The following HADHA variants were observed in gnomAD, a reference collection of about 807,000 sequenced individuals.
The protein encoded by HADHA is hydroxyacyl-CoA dehydrogenase trifunctional multienzyme complex subunit alpha.
In HADHA, 59 loss-of-function variants were observed where a neutral mutation model predicts 91.3. The ratio of observed to expected loss-of-function variants is 0.65; its 90% CI spans 0.52 to 0.80. The LOEUF (loss-of-function observed/expected upper bound fraction) is 0.80, where lower values mean the gene tolerates loss of function less well. Among genes scored for constraint, HADHA ranks in the 30% least tolerant of loss-of-function variants. The probability of loss-of-function intolerance (pLI) is 0.00; values close to 1 mark genes in which losing one functional copy is unlikely to be tolerated. For missense variants in HADHA, 800 were observed against 927.6 expected, an observed-to-expected ratio of 0.86 and a Z score of 1.79; for synonymous variants, 320 against 338.9, an observed-to-expected ratio of 0.94 and a Z score of 0.61.
rs1475956546 is a variant in HADHA, at chr2:26,229,342, G to GCA, written c.676+849_676+850insTG. On this transcript the variant is annotated intron_variant, in intron 7 of 19. Coordinates refer to ENST00000380649, the MANE Select transcript of HADHA (RefSeq NM_000182.5). This position sits in a 1 kb window ranked among gnomAD's most constrained non-coding sequence, Gnocchi z 4.3. ...AACAGAGTGAGACCCCAACATGTGT[G>GCA]CGCGCGCACACACACACACACACAC... Among the ~76,000 whole-genome samples, 1 of 84,372 alleles carries GCA rather than the reference G, an allele frequency of 1.2e-5. No individual in the cohort carries two copies. The highest frequency in any genetic ancestry group is 2.2e-5 in the Non-Finnish European group (1 of 44,958). 55.4% of individuals were successfully genotyped at this position (84,372 alleles called of 152,430 possible).
chr2:26,234,439 T>A, intron 4 of HADHA, 84 bp from the exon 5 acceptor site: 1 of 1,130,120 alleles, frequency 8.8e-7, no homozygotes, highest in East Asian at 2.4e-5. Context: ...TATACACTTA[T>A]CCTATCATGC....
In HADHA at chr2:26,204,214, A is replaced by G. The variant is rs1362592381; in HGVS notation, c.1086-18T>C. On this transcript the variant is annotated intron_variant, in intron 11 of 19. Transcript: ENST00000380649. ...CCAGATGCCTGCAAGGCAAGGATGA[A>G]ATGACTTTCGGTAAACTGATCTTAA... The G allele has an allele frequency of 6.2e-7, 1 of 1,613,236 alleles. No individual in the cohort carries two copies. The highest frequency in any genetic ancestry group is 8.5e-7 in the Non-Finnish European group (1 of 1,179,138).
chr2:26,238,905 A>T, intron 3 of HADHA, 29 bp downstream of exon 3: 1 of 1,401,822 alleles, frequency 7.1e-7, no homozygotes, highest in Non-Finnish European at 1.0e-6. Flanking sequence ...TGCGGTTAGC[A>T]GAAAAAAACT....
chr2:26,195,624 A>C (rs1295113196), intron 14 of HADHA, among the ~76,000 whole-genome samples: 3 of 152,040 alleles, frequency 2.0e-5, no homozygotes, highest in African/African-American at 7.3e-5. Context: ...CAGAAGAATT[A>C]ATGTGTTGGG....
At chr2:26,215,987 C>CA (rs964475639) in intron 7 of HADHA, among the ~76,000 whole-genome samples, 1 of 152,088 alleles carries the variant, frequency 6.6e-6, no homozygotes, top group Non-Finnish European at 1.5e-5. Context: ...GAGCTAGGCT[C>CA]AAAAAATCTG....
At position 26,190,735 on chromosome 2, in the gene HADHA, C is replaced by T. The variant is rs1298233834; in HGVS notation, c.*515G>A. ...GTGTGTGTGGTTGAGCCCACCAGGT[C>T]CCACTTTCTCTCATCCCAGTCCCTC... On this transcript the variant is annotated 3_prime_UTR_variant, in exon 20 of 20. Transcript: ENST00000380649. 2 of 199,292 alleles carry T rather than the reference C, an allele frequency of 1.0e-5. No individual in the cohort carries two copies. Among genetic ancestry groups the T allele is most frequent in the Admixed American group, 5.3e-5 (1 of 18,886 alleles). 12.3% of individuals were successfully genotyped at this position (199,292 alleles called of 1,614,324 possible).
chr2:26,215,638 G>A (rs1670199065), intron 7 of HADHA, among the ~76,000 whole-genome samples: 1 of 152,160 alleles, frequency 6.6e-6, no homozygotes, highest in Non-Finnish European at 1.5e-5. Context: ...TCTTTTCAGG[G>A]ATGTGTAATG....
chr2:26,199,790 A>G (rs1011317578), intron 13 of HADHA, among the ~76,000 whole-genome samples: 1 of 152,138 alleles, frequency 6.6e-6, no homozygotes, highest in Non-Finnish European at 1.5e-5. Context: ...TTCTCTTGGA[A>G]GCCTGCAGCC....
intron 13 of HADHA, among the ~76,000 whole-genome samples, chr2:26,200,648 TCTTC>T (rs1669805754): frequency 6.6e-6 from 1 of 152,256 alleles, no homozygotes; most frequent in African/African-American, 2.4e-5. Context: ...ACCCTCATTT[TCTTC>T]CTTTAGAATT....
Position 26,191,061 on chromosome 2 carries a change from C to G in HADHA, c.*189G>C. 1.5e-6 allele frequency: 1 copy of G among 662,402 alleles called. No individual in the cohort carries two copies. Among genetic ancestry groups the G allele is most frequent in the Non-Finnish European group, 2.7e-6 (1 of 368,900 alleles). 41.0% of individuals were successfully genotyped at this position (662,402 alleles called of 1,614,324 possible). On this transcript the variant is annotated 3_prime_UTR_variant, in exon 20 of 20. Coordinates refer to ENST00000380649, the MANE Select transcript of HADHA (RefSeq NM_000182.5). Reference sequence around the variant, plus strand: ...TCTACCTTCCAACAGGAAGTGCAAACTAATTCGAAGTCACACTTCACCAGG... The same window carrying G: ...TCTACCTTCCAACAGGAAGTGCAAAGTAATTCGAAGTCACACTTCACCAGG...
rs11677839 is a variant in HADHA, at chr2:26,229,350, A to G, written c.676+842T>C. ...GAGACCCCAACATGTGTGCGCGCGC[A>G]CACACACACACACACACACACACAA... On this transcript the variant is annotated intron_variant, in intron 7 of 19. Coordinates refer to ENST00000380649, the MANE Select transcript of HADHA (RefSeq NM_000182.5). The surrounding 1 kb of genome is among the most constrained non-coding windows in gnomAD (Gnocchi z 4.3). Among the ~76,000 whole-genome samples, 917 of 142,198 alleles carry G rather than the reference A, an allele frequency of 6.4e-3. 5 individuals are homozygous for G. Among genetic ancestry groups the G allele is most frequent in the African/African-American group, 0.024 (844 of 35,602 alleles). 93.3% of individuals were successfully genotyped at this position (142,198 alleles called of 152,430 possible).
At chr2:26,230,662 G>A (rs895625533) in intron 6 of HADHA, among the ~76,000 whole-genome samples, 4 of 152,052 alleles carry the variant, frequency 2.6e-5, no homozygotes, top group Non-Finnish European at 5.9e-5. Context: ...GCTCACACCT[G>A]TAATTCCAGC....
chr2:26,209,644 C>G (rs1168178949), intron 11 of HADHA, 136 bp downstream of exon 11: 2 of 701,120 alleles, frequency 2.9e-6, no homozygotes, highest in Non-Finnish European at 5.2e-6. Context: ...GACATAAGGG[C>G]TCAAATGTGC....
At chr2:26,207,602 T>A (rs1670001463) in intron 11 of HADHA, among the ~76,000 whole-genome samples, 1 of 152,166 alleles carries the variant, frequency 6.6e-6, no homozygotes, top group Non-Finnish European at 1.5e-5. Flanking sequence ...TCAGCACCCT[T>A]GAAATGACCC....
chr2:26,222,792 G>C (rs766545206), intron 7 of HADHA, among the ~76,000 whole-genome samples: 28 of 152,130 alleles, frequency 1.8e-4, no homozygotes, highest in Non-Finnish European at 4.0e-4. Context: ...ACGAAACACT[G>C]ATCTTACTAC....
chr2:26,237,125 T>A (rs887986859), intron 3 of HADHA, 137 bp from the exon 4 acceptor site: 2 of 757,424 alleles, frequency 2.6e-6, no homozygotes, highest in African/African-American at 3.4e-5. Flanking sequence ...GTAAGAAATA[T>A]CATTCTCCCA....
rs36063094 is a variant in HADHA, at chr2:26,201,961, A to ATT, written c.1221-643_1221-642dup. ...AGGCGCCCACCACCACGCCTGGCTA[A>ATT]TTTTTTTTTTTTTTTTTTTAGTAGA... On this transcript the variant is annotated intron_variant, in intron 12 of 19. Transcript: ENST00000380649. Among the ~76,000 whole-genome samples, 624 of 137,198 alleles carry ATT rather than the reference A, an allele frequency of 4.5e-3. 3 individuals are homozygous for ATT. Among genetic ancestry groups the ATT allele is most frequent in the African/African-American group, 0.016 (606 of 36,998 alleles). The allele number at this position is 137,198 out of a possible 152,430, so 90.0% of individuals were successfully genotyped here.
intron 16 of HADHA, 48 bp from the exon 17 acceptor site, chr2:26,193,820 C>A (rs776121455): frequency 1.4e-5 from 21 of 1,461,660 alleles, no homozygotes; most frequent in Middle Eastern, 1.7e-4. Context: ...CAGCCCAAAT[C>A]CCCCCAAAGG....
intron 7 of HADHA, among the ~76,000 whole-genome samples, chr2:26,226,536 T>A (rs1670489482): frequency 6.6e-6 from 1 of 152,194 alleles, no homozygotes; most frequent in Non-Finnish European, 1.5e-5. Context: ...GTCAGTTGAT[T>A]TTTGATCAAG....
Sources: gnomAD v4.1 joint callset for allele counts (sites outside exome capture counted in the v4.1 genomes callset) on GRCh38, gnomAD v4.1.1 for gene constraint, Gnocchi (gnomAD v3.1) non-coding constraint, MANE v1.5 for transcripts, NCBI Gene and HGNC (gene_info 2026-07-23, HGNC 2026-07-21) for gene names.